RELN: variants seen among roughly 807,000 people sequenced by gnomAD.
The protein encoded by RELN is reelin.
In RELN, 108 loss-of-function variants were observed where a neutral mutation model predicts 427.6. That is an observed-to-expected ratio of 0.25 (90% confidence interval 0.22 to 0.30). The LOEUF is 0.30. Among genes scored for constraint, RELN ranks in the 10% least tolerant of loss-of-function variants. The pLI, the probability that RELN is intolerant of heterozygous loss-of-function variation, is 1.00. For missense variants in RELN, 3,715 were observed against 4,302.8 expected, an observed-to-expected ratio of 0.86 and a Z score of 3.82; for synonymous variants, 1,524 against 1,513.4, an observed-to-expected ratio of 1.01 and a Z score of -0.16.
chr7:103,949,106 C>CAT (rs749276836), intron 1 of RELN, among the ~76,000 whole-genome samples: 9 of 149,754 alleles, frequency 6.0e-5, no homozygotes, highest in Non-Finnish European at 1.0e-4. Context: ...CACACGCACA[C>CAT]ATATATATAT....
chr7:103,766,036 T>G (rs1791417706), intron 4 of RELN, among the ~76,000 whole-genome samples: 1 of 152,202 alleles, frequency 6.6e-6, no homozygotes, highest in Non-Finnish European at 1.5e-5. Context: ...CCCCTTAATC[T>G]GCTTGTCTTC....
intron 6 of RELN, among the ~76,000 whole-genome samples, chr7:103,740,246 A>G (rs902405783): frequency 1.3e-5 from 2 of 152,248 alleles, no homozygotes; most frequent in East Asian, 1.9e-4. Context: ...AAGAATAAAG[A>G]AAGTTTTATT....
At chr7:103,961,532 A>G (rs1796553552) in intron 1 of RELN, among the ~76,000 whole-genome samples, 1 of 152,224 alleles carries the variant, frequency 6.6e-6, no homozygotes, top group Non-Finnish European at 1.5e-5. Context: ...GAAATGGTGT[A>G]TTCTTACAAG....
rs1179524978 is a variant in RELN at position 103,909,743 on chromosome 7, A to T, written c.337+7332T>A. Among the ~76,000 whole-genome samples the T allele has an allele frequency of 6.7e-3, 271 of 40,292 alleles. 81 individuals carry two copies. Among genetic ancestry groups the T allele is most frequent in the African/African-American group, 0.025 (261 of 10,482 alleles). 26.4% of individuals were successfully genotyped at this position (40,292 alleles called of 152,430 possible). On this transcript the variant is annotated intron_variant, in intron 2 of 64. Coordinates refer to ENST00000428762, the MANE Select transcript of RELN (RefSeq NM_005045.4). The stretch of plus-strand genomic sequence containing the variant: ...ATTAAATATATTTTTTAATATATAT[A>T]AATATATATATTAAATATATATATT...
At chr7:103,482,820 G>C in intron 63 of RELN, 53 bp downstream of exon 63, 1 of 1,613,566 alleles carries the variant, frequency 6.2e-7, no homozygotes, top group Non-Finnish European at 8.5e-7. Flanking sequence ...TATATCAAAG[G>C]AATTTCAAAC....
At chr7:103,628,409 A>T (rs1423670059) in intron 20 of RELN, 2 of 152,296 alleles carry the variant, frequency 1.3e-5, no homozygotes, top group South Asian at 4.1e-4. Flanking sequence ...AAAACCAGAA[A>T]GAAAATGTGC....
rs1309611284 is a variant in RELN at position 103,604,334 on chromosome 7, T to A, written c.3146+12A>T. On this transcript the variant is annotated intron_variant, in intron 23 of 64. Transcript: ENST00000428762. ...GAAGCATGGACCTCATCGTGCTTTC[T>A]GGTGCACATACCTGCATATGCCATG... The A allele has an allele frequency of 6.2e-7, 1 of 1,613,776 alleles. No individual in the cohort carries two copies. The highest frequency in any genetic ancestry group is 8.5e-7 in the Non-Finnish European group (1 of 1,179,784).
At chr7:103,473,433 T>TA (rs1457570198) in intron 64 of RELN, among the ~76,000 whole-genome samples, 1 of 152,082 alleles carries the variant, frequency 6.6e-6, no homozygotes, top group Non-Finnish European at 1.5e-5. Context: ...TGAGACAAAA[T>TA]AAGGAGGTCA....
chr7:103,936,595 T>A (rs1795989787), intron 1 of RELN, among the ~76,000 whole-genome samples: 1 of 152,116 alleles, frequency 6.6e-6, no homozygotes, highest in African/African-American at 2.4e-5. Flanking sequence ...TGCTTACTAT[T>A]CAGCCTCATC....
rs1584329020 is a variant in RELN at position 103,596,627 on chromosome 7, T to C, written c.3368A>G (p.Asp1123Gly). 6.2e-7 allele frequency: 1 copy of C among 1,614,020 alleles called. No individual in the cohort carries two copies. The highest frequency in any genetic ancestry group is 8.5e-7 in the Non-Finnish European group (1 of 1,179,932). ...CTGGACAAAGTCCACCCAAGAAGTA[T>C]CCAGGTCCCAACTCACCAGCTGTCT... ...GKRQLVSWDL[D>G]TSWVDFVQFY... The change falls in exon 25 of 65, where the codon GAT becomes GGT. Residue 1123 changes from aspartate (D) to glycine (G), a missense_variant. Around this residue, in one of 4 missense-constraint regions of RELN, gnomAD observed 2,208 missense variants for 2,361.7 expected, o/e 0.93. Transcript: ENST00000428762.
chr7:103,870,413 A>C (rs1403734935), intron 2 of RELN, among the ~76,000 whole-genome samples: 1 of 151,762 alleles, frequency 6.6e-6, no homozygotes, highest in Non-Finnish European at 1.5e-5. Flanking sequence ...ATGAGCTTAA[A>C]CTTGTGTGAG....
chr7:103,739,447 A>G (rs937657545), intron 6 of RELN, among the ~76,000 whole-genome samples: 3 of 152,180 alleles, frequency 2.0e-5, no homozygotes, highest in Admixed American at 6.5e-5. Context: ...TGTCATCAGT[A>G]GTGCAGCCAC....
intron 32 of RELN, 67 bp from the exon 33 acceptor site, chr7:103,566,479 CTG>C (rs1478272762): frequency 1.9e-6 from 3 of 1,588,982 alleles, no homozygotes; most frequent in South Asian, 1.1e-5. Flanking sequence ...ATCTTCATGA[CTG>C]TGATTTTAAA....
intron 4 of RELN, among the ~76,000 whole-genome samples, chr7:103,771,033 G>A (rs1584479087): frequency 1.3e-5 from 2 of 149,868 alleles, no homozygotes; most frequent in South Asian, 2.1e-4. Context: ...TCTTGTACTC[G>A]GCTTCTGGAG....
At chr7:103,949,727 C>A (rs1402989638) in intron 1 of RELN, among the ~76,000 whole-genome samples, 1 of 152,132 alleles carries the variant, frequency 6.6e-6, no homozygotes, top group Non-Finnish European at 1.5e-5. Context: ...TATTACAACC[C>A]TTCCTTTCAT....
chr7:103,837,631 C>T (rs1793442390), intron 2 of RELN, among the ~76,000 whole-genome samples: 1 of 152,184 alleles, frequency 6.6e-6, no homozygotes. Context: ...TACAATCAGA[C>T]ATGGCCCAGT....
intron 46 of RELN, among the ~76,000 whole-genome samples, chr7:103,526,398 T>C (rs1829822867): frequency 6.6e-6 from 1 of 152,210 alleles, no homozygotes; most frequent in Non-Finnish European, 1.5e-5. Context: ...CTTTCATTTG[T>C]ACTCTGGCAC....
chr7:103,502,423 TAGA>T (rs1367672623), intron 52 of RELN, among the ~76,000 whole-genome samples: 1 of 152,256 alleles, frequency 6.6e-6, no homozygotes, highest in East Asian at 1.9e-4. Context: ...ACTTTTAAAG[TAGA>T]AGAGAAATCT....
At chr7:103,877,048 C>T (rs1048725848) in intron 2 of RELN, among the ~76,000 whole-genome samples, 1 of 152,020 alleles carries the variant, frequency 6.6e-6, no homozygotes, top group Non-Finnish European at 1.5e-5. Context: ...TTCCCCTATG[C>T]CCTCACCCAG....
Sources: gnomAD v4.1 joint callset for allele counts (sites outside exome capture counted in the v4.1 genomes callset) on GRCh38, gnomAD v4.1.1 for gene constraint, gnomAD v4.1.1 regional missense constraint, MANE v1.5 for transcripts, NCBI Gene and HGNC (gene_info 2026-07-23, HGNC 2026-07-21) for gene names.